Variants in ZNF480 observed in about 807,000 individuals in gnomAD.
The protein encoded by ZNF480 is zinc finger protein 480.
ZNF480 carries 15 observed loss-of-function variants against 14.4 expected under a neutral mutation model. The observed-to-expected ratio is 1.04, with a 90% CI of 0.70 to 1.60. The LOEUF is 1.60. Among genes scored for constraint, ZNF480 ranks in the 40% most tolerant of loss-of-function variants. The pLI is 0.00. For synonymous variants in ZNF480, 218 were observed against 215.5 expected, an observed-to-expected ratio of 1.01 and a Z score of -0.10; for missense variants, 593 against 629.7, an observed-to-expected ratio of 0.94 and a Z score of 0.62.
At position 52,315,929 on chromosome 19, in the gene ZNF480, G is replaced by A; in HGVS notation, c.295G>A (p.Asp99Asn). The A allele has an allele frequency of 1.2e-6, 2 of 1,612,624 alleles. No individual in the cohort carries two copies. The highest frequency in any genetic ancestry group is 1.7e-6 in the Non-Finnish European group (2 of 1,179,006). The change falls in exon 4 of 5, where the codon GAT becomes AAT. Residue 99 changes from aspartate (D) to asparagine (N), a missense_variant. Coordinates refer to ENST00000595962, the MANE Select transcript of ZNF480 (RefSeq NM_144684.4). ...ESEVKIAKNS[D>N]GRECIKGVNT... ...TGAAGTGAAAATAGCAAAAAATTCAGATGGGAGGGAGTGCATCAAAGGTGT... is the reference window on the plus strand; with the variant it reads ...TGAAGTGAAAATAGCAAAAAATTCAAATGGGAGGGAGTGCATCAAAGGTGT...
At chr19:52,314,052 A>T in intron 2 of ZNF480, 101 bp from the exon 3 acceptor site, 1 of 1,300,782 alleles carries the variant, frequency 7.7e-7, no homozygotes, top group Middle Eastern at 2.3e-4. Flanking sequence ...TCGTCAGAAC[A>T]TTCTCTTCAA....
At chr19:52,318,149 C>G (rs1181038006) in intron 4 of ZNF480, among the ~76,000 whole-genome samples, 3 of 151,712 alleles carry the variant, frequency 2.0e-5, no homozygotes, top group Non-Finnish European at 4.4e-5. Context: ...GCTCTGTCAC[C>G]CAGGCTGGAT....
At chr19:52,316,970 GC>G (rs758462599) in intron 4 of ZNF480, among the ~76,000 whole-genome samples, 2 of 152,036 alleles carry the variant, frequency 1.3e-5, no homozygotes, top group Non-Finnish European at 2.9e-5. Flanking sequence ...CCTGCATTGC[GC>G]CCACCTTTTT....
At chr19:52,306,786 T>G (rs1056740946) in intron 2 of ZNF480, among the ~76,000 whole-genome samples, 2 of 152,086 alleles carry the variant, frequency 1.3e-5, no homozygotes, top group African/African-American at 2.4e-5. Flanking sequence ...CATATCACAC[T>G]CTCATCTAGC....
intron 2 of ZNF480, chr19:52,308,701 AGCATGT>A (rs895930828): frequency 1.3e-5 from 2 of 152,082 alleles, no homozygotes; most frequent in Admixed American, 6.6e-5. Context: ...CATCATTCTC[AGCATGT>A]GCCTCTCACA....
chr19:52,317,953 G>T (rs1344189704), intron 4 of ZNF480, among the ~76,000 whole-genome samples: 2 of 151,860 alleles, frequency 1.3e-5, no homozygotes, highest in Non-Finnish European at 2.9e-5. Context: ...TTTTCTATTT[G>T]CATTTCTCTC....
intron 1 of ZNF480, among the ~76,000 whole-genome samples, chr19:52,298,366 C>T (rs1219492255): frequency 6.6e-6 from 1 of 152,162 alleles, no homozygotes; most frequent in Non-Finnish European, 1.5e-5. Flanking sequence ...GGCACAGTGG[C>T]TCACGCCTGT....
chr19:52,315,262 T>C (rs1010484379), intron 3 of ZNF480, among the ~76,000 whole-genome samples: 3 of 151,968 alleles, frequency 2.0e-5, no homozygotes, highest in African/African-American at 7.3e-5. Flanking sequence ...TAAAACCTTA[T>C]GGCAAACTTT....
intron 1 of ZNF480, among the ~76,000 whole-genome samples, chr19:52,299,884 A>T (rs1335658905): frequency 6.6e-6 from 1 of 152,130 alleles, no homozygotes; most frequent in African/African-American, 2.4e-5. Context: ...AGTAGAGACG[A>T]GGTTTCACAA....
intron 2 of ZNF480, among the ~76,000 whole-genome samples, chr19:52,308,408 G>A (rs1243972669): frequency 6.7e-6 from 1 of 148,552 alleles, no homozygotes; most frequent in African/African-American, 2.5e-5. Flanking sequence ...CCTGGTTCAA[G>A]CAATTCTTGT....
intron 1 of ZNF480, among the ~76,000 whole-genome samples, chr19:52,298,849 AGAAGGTGAGAAT>A (rs1425998759): frequency 6.6e-6 from 1 of 151,818 alleles, no homozygotes; most frequent in Non-Finnish European, 1.5e-5. Flanking sequence ...AGCTAGAGAA[AGAAGGTGAGAAT>A]GAGAGATACG....
chr19:52,302,367 T>C (rs1982736576), intron 2 of ZNF480, among the ~76,000 whole-genome samples: 2 of 152,232 alleles, frequency 1.3e-5, no homozygotes, highest in African/African-American at 4.8e-5. Flanking sequence ...CCCCCCTTTG[T>C]GTTTTTGTAA....
chr19:52,300,922 G>A (rs1272237054), intron 2 of ZNF480: 1 of 193,998 alleles, frequency 5.2e-6, no homozygotes, highest in Non-Finnish European at 1.1e-5. Context: ...GGCCACTCAT[G>A]CTATTGTTTG....
At chr19:52,305,221 A>G (rs1357412973) in intron 2 of ZNF480, among the ~76,000 whole-genome samples, 2 of 152,206 alleles carry the variant, frequency 1.3e-5, no homozygotes, top group African/African-American at 4.8e-5. Flanking sequence ...GCCAACTCCA[A>G]CTGTGTTAAA....
In ZNF480 at chr19:52,321,799, T is replaced by C. The variant is rs1983827638; in HGVS notation, c.549T>C (p.Asp183=). 6.2e-7 allele frequency: 1 copy of C among 1,613,876 alleles called. No individual in the cohort carries two copies. Among genetic ancestry groups the C allele is most frequent in the South Asian group, 1.1e-5 (1 of 91,040 alleles). Residue 183 remains aspartate, a synonymous_variant, in exon 5 of 5, where the codon GAT becomes GAC. Coordinates refer to ENST00000595962, the MANE Select transcript of ZNF480 (RefSeq NM_144684.4). ...SVKTPIFNRN[D]FDDSSFLPQE... ...AAACCCCCATTTTTAATAGGAATGA[T>C]TTTGATGATTCTTCATTTCTCCCAC...
Position 52,322,651 on chromosome 19 carries a change from G to C in ZNF480, c.1401G>C (p.Lys467Asn). ...CSECGKAFRH[K>N]LSLTNHQRIH... ...AATGTGGCAAGGCATTCAGACACAA[G>C]TTATCACTAACCAATCATCAGAGAA... The change falls in exon 5 of 5, where the codon AAG becomes AAC. Residue 467 changes from lysine to asparagine, a missense_variant. Physicochemically the swap from Lys to Asn is moderately conservative, Grantham distance 94. Transcript: ENST00000595962. 1 of 1,613,638 alleles carries C rather than the reference G, an allele frequency of 6.2e-7. No homozygotes were observed. Among genetic ancestry groups the C allele is most frequent in the Non-Finnish European group, 8.5e-7 (1 of 1,179,890 alleles).
chr19:52,316,946 TC>T (rs1241274423), intron 4 of ZNF480, among the ~76,000 whole-genome samples: 1 of 152,222 alleles, frequency 6.6e-6, no homozygotes, highest in Non-Finnish European at 1.5e-5. Context: ...TAACTATTCA[TC>T]CATTGGTGGA....
intron 2 of ZNF480, among the ~76,000 whole-genome samples, chr19:52,311,453 C>T (rs1025030440): frequency 6.6e-6 from 1 of 152,166 alleles, no homozygotes; most frequent in Admixed American, 6.5e-5. Context: ...GCTGGGATTA[C>T]AGGTGGAGCC....
At chr19:52,314,075 T>C (rs1203063265) in intron 2 of ZNF480, 78 bp from the exon 3 acceptor site, 1 of 1,441,186 alleles carries the variant, frequency 6.9e-7, no homozygotes, top group Non-Finnish European at 9.4e-7. Flanking sequence ...CAGTTAATCT[T>C]TACAACTCCC....
Sources: allele counts gnomAD v4.1 joint callset (sites outside exome capture counted in the v4.1 genomes callset), GRCh38; gene constraint gnomAD v4.1.1; transcripts MANE v1.5; gene names NCBI Gene and HGNC (gene_info 2026-07-23, HGNC 2026-07-21).